Variants in GRIN2A observed in about 807,000 individuals in gnomAD.
The protein encoded by GRIN2A is glutamate receptor ionotropic, NMDA 2A.
A neutral mutation model predicts 113.4 loss-of-function variants in GRIN2A; 22 were observed. The ratio of observed to expected loss-of-function variants is 0.19; its 90% confidence interval spans 0.14 to 0.28. The LOEUF (loss-of-function observed/expected upper bound fraction) is 0.28, where lower values mean the gene tolerates loss of function less well. Among genes scored for constraint, GRIN2A ranks in the 10% least tolerant of loss-of-function variants. GRIN2A has a pLI of 1.00. For missense variants in GRIN2A, 1,502 were observed against 1,887.0 expected, an observed-to-expected ratio of 0.80 and a Z score of 3.78; for synonymous variants, 827 against 738.4, an observed-to-expected ratio of 1.12 and a Z score of -1.94.
intron 11 of GRIN2A, among the ~76,000 whole-genome samples, chr16:9,791,744 C>T (rs934414212): frequency 4.6e-5 from 7 of 151,782 alleles, no homozygotes; most frequent in African/African-American, 1.2e-4. Flanking sequence ...CCTGCCAGCA[C>T]GGGGTCCCCT....
chr16:9,915,069 T>A (rs1205520047), intron 3 of GRIN2A, among the ~76,000 whole-genome samples: 1 of 151,160 alleles, frequency 6.6e-6, no homozygotes, highest in Non-Finnish European at 1.5e-5. Context: ...CCCTAGTAGC[T>A]GGGACTACAG....
At chr16:9,898,802 T>G (rs868401344) in intron 3 of GRIN2A, among the ~76,000 whole-genome samples, 1 of 135,724 alleles carries the variant, frequency 7.4e-6, no homozygotes, top group Non-Finnish European at 1.6e-5. Context: ...TTTTTTTTTG[T>G]TTTTTTTTTT....
At chr16:10,062,679 ACATGGCAAAACTC>A (rs1026801275) in intron 2 of GRIN2A, among the ~76,000 whole-genome samples, 9 of 152,206 alleles carry the variant, frequency 5.9e-5, no homozygotes, top group Admixed American at 5.9e-4. Context: ...AACCTGGCCA[ACATGGCAAAACTC>A]CATCTCTACT....
At chr16:10,163,471 T>C (rs1012399194) in intron 2 of GRIN2A, among the ~76,000 whole-genome samples, 1 of 152,322 alleles carries the variant, frequency 6.6e-6, no homozygotes, top group Admixed American at 6.5e-5. Context: ...TGCATACACG[T>C]TGGCATAAAT....
At chr16:10,157,418 G>A (rs1427417425) in intron 2 of GRIN2A, among the ~76,000 whole-genome samples, 1 of 152,094 alleles carries the variant, frequency 6.6e-6, no homozygotes, top group Non-Finnish European at 1.5e-5. Flanking sequence ...TTATTTAAAG[G>A]AGACAATAAT....
chr16:9,941,768 ATACT>A (rs1328853787), intron 2 of GRIN2A, among the ~76,000 whole-genome samples: 2 of 152,214 alleles, frequency 1.3e-5, no homozygotes, highest in African/African-American at 4.8e-5. Flanking sequence ...CATGCTAGAA[ATACT>A]TACTCTATGA....
intron 4 of GRIN2A, among the ~76,000 whole-genome samples, chr16:9,871,553 G>T (rs78915678): frequency 0.023 from 3,473 of 151,926 alleles, 45 homozygotes; most frequent in East Asian, 0.058. Context: ...TTCTAACTAC[G>T]TTCCAGGCCT....
chr16:9,884,330 C>A (rs2043546809), intron 4 of GRIN2A, among the ~76,000 whole-genome samples: 1 of 152,158 alleles, frequency 6.6e-6, no homozygotes, highest in African/African-American at 2.4e-5. Flanking sequence ...CGGTGGATCA[C>A]CTGAGGTCAG....
intron 2 of GRIN2A, among the ~76,000 whole-genome samples, chr16:9,940,754 G>A (rs928673667): frequency 3.9e-5 from 6 of 152,080 alleles, no homozygotes; most frequent in African/African-American, 1.2e-4. Context: ...CTACCCTGAG[G>A]AACTACCCAA....
intron 2 of GRIN2A, among the ~76,000 whole-genome samples, chr16:10,162,649 T>C (rs746446601): frequency 1.3e-5 from 2 of 152,324 alleles, no homozygotes; most frequent in Middle Eastern, 3.4e-3. Context: ...GGTTAAGGCT[T>C]ACCTATATGC....
intron 3 of GRIN2A, among the ~76,000 whole-genome samples, chr16:9,920,049 A>T (rs1416520586): frequency 6.6e-6 from 1 of 152,206 alleles, no homozygotes; most frequent in Non-Finnish European, 1.5e-5. Context: ...TAGCAAATTG[A>T]CATTGCCTGT....
intron 2 of GRIN2A, among the ~76,000 whole-genome samples, chr16:10,093,343 T>C (rs1002877403): frequency 2.0e-5 from 3 of 152,182 alleles, no homozygotes; most frequent in East Asian, 3.8e-4. Flanking sequence ...TCAATCATCA[T>C]AGGCACATCC....
intron 11 of GRIN2A, among the ~76,000 whole-genome samples, chr16:9,778,731 A>T (rs1901758685): frequency 6.6e-6 from 1 of 152,138 alleles, no homozygotes; most frequent in Non-Finnish European, 1.5e-5. Context: ...TTTCCTATCC[A>T]TGACCAGGGG....
intron 4 of GRIN2A, among the ~76,000 whole-genome samples, chr16:9,876,972 T>G (rs1402412679): frequency 6.6e-6 from 1 of 152,098 alleles, no homozygotes; most frequent in Non-Finnish European, 1.5e-5. Context: ...TACCCCCAAC[T>G]TCCACTCAAC....
rs559253120 is a variant in GRIN2A, at chr16:10,032,742, G to A, written c.415-94191C>T. ...CACTCTGAGCCATTAAACAACAGTG[G>A]TGGAACACACACCAAACAACAAATG... is the stretch of plus-strand genomic sequence containing the variant. On this transcript the variant is annotated intron_variant, in intron 2 of 12. Transcript: ENST00000330684. 7.2e-5 allele frequency among the ~76,000 whole-genome samples: 11 copies of A among 152,280 alleles called. No individual in the cohort carries two copies. In the East Asian group the frequency reaches 1.7e-3, roughly 24 times the overall value.
intron 2 of GRIN2A, among the ~76,000 whole-genome samples, chr16:9,983,812 C>G (rs2045934307): frequency 6.6e-6 from 1 of 152,150 alleles, no homozygotes; most frequent in Non-Finnish European, 1.5e-5. Flanking sequence ...TCTGTTAATT[C>G]AGTGGTTGAT....
chr16:10,073,261 C>T (rs1361687820), intron 2 of GRIN2A, among the ~76,000 whole-genome samples: 1 of 152,092 alleles, frequency 6.6e-6, no homozygotes, highest in Non-Finnish European at 1.5e-5. Flanking sequence ...CAGTCAAGAT[C>T]CCGTAATTCT....
intron 2 of GRIN2A, among the ~76,000 whole-genome samples, chr16:10,162,811 T>C (rs1349109237): frequency 6.6e-6 from 1 of 152,178 alleles, no homozygotes; most frequent in Non-Finnish European, 1.5e-5. Flanking sequence ...TCTCCTACCC[T>C]CGGATGAAAC....
intron 11 of GRIN2A, among the ~76,000 whole-genome samples, chr16:9,788,125 C>T (rs942107394): frequency 6.6e-6 from 1 of 152,210 alleles, no homozygotes; most frequent in Non-Finnish European, 1.5e-5. Context: ...ACAGGCTAAA[C>T]ATTGCCTGAA....
Sources: gnomAD v4.1 joint callset for allele counts (sites outside exome capture counted in the v4.1 genomes callset) on GRCh38, gnomAD v4.1.1 for gene constraint, MANE v1.5 for transcripts, NCBI Gene and HGNC (gene_info 2026-07-23, HGNC 2026-07-21) for gene names.